The following BSCL2 variants were observed in gnomAD, a reference collection of about 807,000 sequenced individuals.
BSCL2 encodes seipin.
A neutral mutation model predicts 57.4 loss-of-function variants in BSCL2; 41 were observed. That is an observed-to-expected ratio of 0.71 (90% CI 0.56 to 0.93). The LOEUF is 0.93. Ranked by LOEUF, BSCL2 falls within the 40% of genes least tolerant of loss-of-function variation. The pLI, the probability that BSCL2 is intolerant of heterozygous loss-of-function variation, is 0.00. For missense variants in BSCL2, 539 were observed against 586.7 expected (o/e 0.92, Z 0.84); for synonymous variants, 237 against 227.3 (o/e 1.04, Z -0.38).
intron 3 of BSCL2, among the ~76,000 whole-genome samples, chr11:62,695,686 GGGCGA>G (rs1945436850): frequency 7.1e-6 from 1 of 141,366 alleles, no homozygotes. Context: ...ACTGCAGCCT[GGGCGA>G]CAAGAGCAAA....
At chr11:62,709,213 G>A (rs761148130), upstream of BSCL2, 5 of 456,208 alleles carry the variant, frequency 1.1e-5, no homozygotes, top group African/African-American at 6.0e-5. Context: ...GACAGCTCCT[G>A]TGTTAGAATT....
chr11:62,703,542 A>G (rs959463874), intron 2 of BSCL2, among the ~76,000 whole-genome samples: 4 of 150,242 alleles, frequency 2.7e-5, no homozygotes, highest in African/African-American at 9.8e-5. Flanking sequence ...TAGTAGAGAC[A>G]GGGTTTCACG....
intron 3 of BSCL2, 31 bp downstream of exon 3, chr11:62,702,437 A>G: frequency 1.3e-6 from 2 of 1,574,408 alleles, no homozygotes; most frequent in Non-Finnish European, 1.7e-6. Flanking sequence ...TCAAAGCTCT[A>G]ATGAAACCTC....
chr11:62,708,069 G>C (rs2083572645), upstream of BSCL2: 4 of 579,546 alleles, frequency 6.9e-6, no homozygotes, highest in Non-Finnish European at 1.2e-5. Flanking sequence ...AAGGTTTAAT[G>C]ATCTGTGGCC....
intron 3 of BSCL2, 90 bp downstream of exon 3, chr11:62,702,378 C>G: frequency 2.5e-6 from 3 of 1,213,282 alleles, no homozygotes; most frequent in Non-Finnish European, 3.5e-6. Context: ...TCTCTTATTA[C>G]TCAATTCCTT....
intron 2 of BSCL2, among the ~76,000 whole-genome samples, chr11:62,703,137 T>G (rs12279170): frequency 1.5e-5 from 2 of 131,278 alleles, no homozygotes; most frequent in African/African-American, 3.0e-5. Flanking sequence ...GCAACAAGGG[T>G]GAAACTCCAT....
Position 62,707,303 on chromosome 11 carries a change from G to T in BSCL2, c.-108C>A. 1.0e-6 allele frequency: 1 copy of T among 999,022 alleles called. No individual in the cohort carries two copies. Among genetic ancestry groups the T allele is most frequent in the Non-Finnish European group, 1.5e-6 (1 of 645,876 alleles). 61.9% of individuals were successfully genotyped at this position (999,022 alleles called of 1,614,324 possible). A position where few individuals can be genotyped will look rare whatever the true frequency, so the allele number is the denominator to read the frequency against. ...TACCTGTGGCGCATCACATTTTCCT[G>T]GATATGGAAAATGGAGGGTCCCTGG... is the stretch of plus-strand genomic sequence containing the variant. On this transcript the variant is annotated 5_prime_UTR_variant, in exon 1 of 11. Coordinates refer to ENST00000360796, the MANE Select transcript of BSCL2 (RefSeq NM_001122955.4).
chr11:62,690,922 C>T lies in BSCL2; in HGVS notation c.1073-55G>A, dbSNP rs757647799. 156 of 1,592,758 alleles carry T rather than the reference C, an allele frequency of 9.8e-5. 3 individuals are homozygous for T. The South Asian group carries it at 1.3e-3, about 13-fold the overall frequency. ...TAGGGTTAGGGTGGCTGTGCCTGGA[C>T]GGCAGTGCCAACCTCACCTTCCTCG... is the stretch of plus-strand genomic sequence containing the variant. On this transcript the variant is annotated intron_variant, in intron 8 of 10. Coordinates refer to ENST00000360796, the MANE Select transcript of BSCL2 (RefSeq NM_001122955.4).
intron 3 of BSCL2, among the ~76,000 whole-genome samples, chr11:62,699,155 G>A (rs1048451628): frequency 2.0e-5 from 3 of 151,188 alleles, no homozygotes; most frequent in Non-Finnish European, 2.9e-5. Flanking sequence ...CGCCCGCCTC[G>A]GCCTCCCAAA....
At chr11:62,706,845 AC>A in intron 1 of BSCL2, 1 of 597,396 alleles carries the variant, frequency 1.7e-6, no homozygotes, top group South Asian at 1.8e-5. Context: ...CTAACTGGAT[AC>A]ACTCTCCCTC....
chr11:62,694,856 T>C (rs1326718137), intron 3 of BSCL2, 145 bp from the exon 4 acceptor site: 4 of 998,296 alleles, frequency 4.0e-6, no homozygotes, highest in Non-Finnish European at 6.1e-6. Context: ...TTTCAATCTG[T>C]CATCCCAAGA....
At position 62,690,803 on chromosome 11, in the gene BSCL2, T is replaced by C. The variant is rs6856; in HGVS notation, c.1137A>G (p.Glu379=). The C allele has an allele frequency of 0.21, 332,627 of 1,613,344 alleles. 35,885 individuals carry two copies. Among genetic ancestry groups the C allele is most frequent in the Non-Finnish European group, 0.23 (270,594 of 1,179,768 alleles). The change falls in exon 9 of 11, where the codon GAA becomes GAG. Residue 379 remains glutamate (E), a synonymous_variant. Coordinates refer to ENST00000360796, the MANE Select transcript of BSCL2 (RefSeq NM_001122955.4). ...GCGCCATACCTGTCCCTGAGGGATC[T>C]TCAGGGCTCTCACCATCCTCTGTAA... The part of the protein sequence containing the change: ...SDVTEDGESP[E]DPSGTEGQLS...
intron 1 of BSCL2, 167 bp from the exon 2 acceptor site, chr11:62,705,784 C>T: frequency 1.4e-6 from 1 of 691,154 alleles, no homozygotes; most frequent in Non-Finnish European, 2.4e-6. Flanking sequence ...CCAATTACCC[C>T]TTCCCTTTCC....
At chr11:62,709,356 AGT>A (rs1435481070), upstream of BSCL2, 10 of 453,980 alleles carry the variant, frequency 2.2e-5, no homozygotes, top group Non-Finnish European at 4.4e-5. Flanking sequence ...GAGCGTCCAC[AGT>A]GTAAGAATTA....
intron 6 of BSCL2, among the ~76,000 whole-genome samples, chr11:62,691,667 G>C (rs1945313440): frequency 6.6e-6 from 1 of 152,122 alleles, no homozygotes; most frequent in African/African-American, 2.4e-5. Flanking sequence ...TGTCTCTCAA[G>C]AGTCACCCCA....
chr11:62,692,529 T>C, intron 5 of BSCL2, 56 bp from the exon 6 acceptor site: 1 of 1,610,520 alleles, frequency 6.2e-7, no homozygotes. Context: ...GCTAGCACTC[T>C]TACCCGCCTC....
rs762186744 is a variant in BSCL2, at chr11:62,694,730, A to G, written c.487-19T>C. 14 of 1,612,590 alleles carry G rather than the reference A, an allele frequency of 8.7e-6. No homozygotes were observed. The highest frequency in any genetic ancestry group is 3.3e-5 in the Admixed American group (2 of 59,852). ...TCAGCACCTGCCAAAGGTAGCCCCC[A>G]TTTCTTTAAAAAAATTTTTTTGTTG... On this transcript the variant is annotated intron_variant, in intron 3 of 10. Transcript: ENST00000360796.
intron 2 of BSCL2, among the ~76,000 whole-genome samples, chr11:62,703,347 G>GTTTTTT (rs541712297): frequency 1.5e-5 from 1 of 68,800 alleles, no homozygotes; most frequent in Non-Finnish European, 2.7e-5. Context: ...ATGCATATAC[G>GTTTTTT]TTTTTTTTTT....
intron 3 of BSCL2, among the ~76,000 whole-genome samples, chr11:62,701,849 AAGAG>A (rs1167211040): frequency 6.6e-6 from 1 of 151,756 alleles, no homozygotes; most frequent in Admixed American, 6.6e-5. Context: ...AAAAAAAAGA[AAGAG>A]AGTGAAAAAC....
Sources: gnomAD v4.1 joint callset for allele counts (sites outside exome capture counted in the v4.1 genomes callset) on GRCh38, gnomAD v4.1.1 for gene constraint, MANE v1.5 for transcripts, NCBI Gene and HGNC (gene_info 2026-07-23, HGNC 2026-07-21) for gene names.